Variants in DENND1B observed in about 807,000 individuals in gnomAD.
The protein encoded by DENND1B is DENN domain containing 1B.
Under a neutral mutation model 90.1 loss-of-function variants are expected in DENND1B, and 59 were observed. The observed-to-expected ratio is 0.65, with a 90% CI of 0.53 to 0.81. The LOEUF is 0.81. Among genes scored for constraint, DENND1B ranks in the 40% least tolerant of loss-of-function variants. The pLI, the probability that DENND1B is intolerant of heterozygous loss-of-function variation, is 0.00. For missense variants in DENND1B, 862 were observed against 912.6 expected, an observed-to-expected ratio of 0.94 and a Z score of 0.71; for synonymous variants, 337 against 324.6, an observed-to-expected ratio of 1.04 and a Z score of -0.41.
At position 197,707,414 on chromosome 1, in the gene DENND1B, G is replaced by C. The variant is rs140477435; in HGVS notation, c.126+7617C>G. Among the ~76,000 whole-genome samples, 103 of 151,852 alleles carry C rather than the reference G, an allele frequency of 6.8e-4. No individual in the cohort carries two copies. The East Asian group carries it at 0.017, about 25-fold the overall frequency. On this transcript the variant is annotated intron_variant, in intron 3 of 22. Transcript: ENST00000620048. ...CACATATTTTCAAATAGCTAGAAGA[G>C]CAGATTTTGAATAATCCCAGTGAAA...
intron 15 of DENND1B, among the ~76,000 whole-genome samples, chr1:197,573,118 G>GT (rs916098377): frequency 6.6e-6 from 1 of 152,008 alleles, no homozygotes; most frequent in Non-Finnish European, 1.5e-5. Context: ...TTTTTGAAGG[G>GT]TTTTTTTGGT....
intron 15 of DENND1B, among the ~76,000 whole-genome samples, chr1:197,580,087 C>CTTTTTTTTTTTTTTTTTTTTTTTT (rs139056668): frequency 2.6e-5 from 2 of 76,742 alleles, no homozygotes; most frequent in Non-Finnish European, 4.6e-5. Context: ...TTCTTTCTTT[C>CTTTTTTTTTTTTTTTTTTTTTTTT]TTTTTTTTTT....
At chr1:197,700,057 T>C (rs1345442467) in intron 3 of DENND1B, among the ~76,000 whole-genome samples, 1 of 152,192 alleles carries the variant, frequency 6.6e-6, no homozygotes, top group African/African-American at 2.4e-5. Flanking sequence ...ATAGATTCAA[T>C]GTTATTTCCA....
At chr1:197,598,592 T>C (rs1343549155) in intron 13 of DENND1B, among the ~76,000 whole-genome samples, 1 of 151,806 alleles carries the variant, frequency 6.6e-6, no homozygotes, top group Non-Finnish European at 1.5e-5. Context: ...ACTTCTAACT[T>C]TAGTTATGAA....
At chr1:197,770,494 T>C (rs759271894) in intron 2 of DENND1B, among the ~76,000 whole-genome samples, 13 of 151,632 alleles carry the variant, frequency 8.6e-5, no homozygotes, top group African/African-American at 1.7e-4. Context: ...CATGCATAGA[T>C]TGGGTGTTAT....
At chr1:197,608,946 T>C (rs1553303509) in intron 12 of DENND1B, among the ~76,000 whole-genome samples, 1 of 150,536 alleles carries the variant, frequency 6.6e-6, no homozygotes, top group East Asian at 2.0e-4. Context: ...TATTAATACA[T>C]TAACAAAAAA....
At chr1:197,779,165 A>T (rs563215746), upstream of DENND1B, among the ~76,000 whole-genome samples, 7 of 152,290 alleles carry the variant, frequency 4.6e-5, no homozygotes, top group South Asian at 1.4e-3. Context: ...GTATTTATTT[A>T]TCCCTCACTC....
At chr1:197,754,999 A>G (rs1234019914) in intron 2 of DENND1B, among the ~76,000 whole-genome samples, 2 of 152,198 alleles carry the variant, frequency 1.3e-5, no homozygotes, top group Non-Finnish European at 2.9e-5. Context: ...AGGCATACAT[A>G]TACAGACACA....
chr1:197,645,790 G>A, intron 8 of DENND1B, 47 bp from the exon 9 acceptor site: 1 of 1,265,296 alleles, frequency 7.9e-7, no homozygotes, highest in Non-Finnish European at 1.1e-6. Flanking sequence ...ATTAAAACTG[G>A]TAACATATAA....
At chr1:197,544,547 T>C (rs1670573322) in intron 18 of DENND1B, among the ~76,000 whole-genome samples, 1 of 152,180 alleles carries the variant, frequency 6.6e-6, no homozygotes, top group Non-Finnish European at 1.5e-5. Flanking sequence ...TTATTCCCAT[T>C]ATTTTTTTTC....
intron 21 of DENND1B, among the ~76,000 whole-genome samples, chr1:197,512,167 A>C (rs1668075719): frequency 6.6e-6 from 1 of 151,804 alleles, no homozygotes; most frequent in South Asian, 2.1e-4. Flanking sequence ...TATGAAACTG[A>C]AAGTAGAAGC....
chr1:197,552,388 CTA>C, intron 16 of DENND1B: 1 of 985,408 alleles, frequency 1.0e-6, no homozygotes, highest in Non-Finnish European at 1.2e-6. Flanking sequence ...CAAGTCAAGA[CTA>C]TACACCACTA....
At chr1:197,713,657 C>T (rs1198770774) in intron 3 of DENND1B, among the ~76,000 whole-genome samples, 2 of 71,552 alleles carry the variant, frequency 2.8e-5, no homozygotes, top group South Asian at 4.8e-4. Context: ...GTGGGTGCAG[C>T]GCACCAGCAT....
chr1:197,660,655 G>A (rs1158866891), intron 5 of DENND1B, among the ~76,000 whole-genome samples: 1 of 151,978 alleles, frequency 6.6e-6, no homozygotes, highest in African/African-American at 2.4e-5. Flanking sequence ...GTAACAAAGG[G>A]ATCAAGTTCA....
chr1:197,546,356 C>G (rs1054316834), intron 17 of DENND1B, among the ~76,000 whole-genome samples: 4 of 152,096 alleles, frequency 2.6e-5, no homozygotes, highest in Non-Finnish European at 5.9e-5. Flanking sequence ...AAGTCTCAGT[C>G]TGGGGGAGAA....
intron 3 of DENND1B, among the ~76,000 whole-genome samples, chr1:197,700,829 G>C (rs1345209928): frequency 2.0e-5 from 3 of 152,012 alleles, no homozygotes; most frequent in Non-Finnish European, 4.4e-5. Flanking sequence ...CAACAAACGA[G>C]AAAAAGCTTA....
intron 2 of DENND1B, among the ~76,000 whole-genome samples, chr1:197,743,282 G>A (rs1663387397): frequency 6.6e-6 from 1 of 152,148 alleles, no homozygotes. Context: ...TCAATAAAAT[G>A]AGTATCACAA....
At chr1:197,516,722 C>T (rs1349775197) in intron 20 of DENND1B, among the ~76,000 whole-genome samples, 1 of 151,578 alleles carries the variant, frequency 6.6e-6, no homozygotes, top group Non-Finnish European at 1.5e-5. Context: ...CTTAAGGGTG[C>T]CAATACCCAG....
chr1:197,695,404 T>C (rs1658331768), intron 3 of DENND1B, among the ~76,000 whole-genome samples: 1 of 151,012 alleles, frequency 6.6e-6, no homozygotes, highest in Admixed American at 6.6e-5. Context: ...ATATAACTAA[T>C]AAAATTTTTG....
Sources: gnomAD v4.1 joint callset for allele counts (sites outside exome capture counted in the v4.1 genomes callset) on GRCh38, gnomAD v4.1.1 for gene constraint, MANE v1.5 for transcripts, NCBI Gene and HGNC (gene_info 2026-07-23, HGNC 2026-07-21) for gene names.